Variants in DYRK4 observed in about 807,000 individuals in gnomAD.
DYRK4 encodes dual specificity tyrosine phosphorylation regulated kinase 4.
In DYRK4, 64 loss-of-function variants were observed where a neutral mutation model predicts 68.3. That is an observed-to-expected ratio of 0.94 (90% confidence interval 0.77 to 1.15). The LOEUF is 1.15. Ranked by LOEUF, DYRK4 falls within the 50% of genes most tolerant of loss-of-function variation. The pLI is 0.00. For missense variants in DYRK4, 740 were observed against 764.7 expected (o/e 0.97, Z 0.38); for synonymous variants, 274 against 289.9 (o/e 0.95, Z 0.56).
intron 1 of DYRK4, among the ~76,000 whole-genome samples, chr12:4,566,046 A>C (rs1439575077): frequency 6.6e-6 from 1 of 152,208 alleles, no homozygotes; most frequent in African/African-American, 2.4e-5. Flanking sequence ...CGATTTTACA[A>C]ATCCCATGTC....
At chr12:4,597,295 A>G (rs1945029535) in intron 8 of DYRK4, 1 of 329,382 alleles carries the variant, frequency 3.0e-6, no homozygotes, top group South Asian at 1.2e-4. Context: ...ATCTGATGCA[A>G]TTTATATAAA....
intron 13 of DYRK4, 133 bp from the exon 14 acceptor site, chr12:4,612,410 C>T: frequency 1.0e-6 from 1 of 956,720 alleles, no homozygotes; most frequent in Non-Finnish European, 1.5e-6. Context: ...ATGCCATAAT[C>T]TCTGTTCTAT....
At chr12:4,581,614 C>G (rs776646602) in intron 2 of DYRK4, among the ~76,000 whole-genome samples, 4 of 152,138 alleles carry the variant, frequency 2.6e-5, no homozygotes, top group South Asian at 4.1e-4. Context: ...GAGGCTAGAA[C>G]AGGGCAAGGA....
chr12:4,602,413 A>G, intron 10 of DYRK4: 2 of 953,154 alleles, frequency 2.1e-6, no homozygotes, highest in Non-Finnish European at 3.4e-6. Context: ...CAGTATGTTG[A>G]GGTCACTGAT....
chr12:4,605,143 AC>A, intron 11 of DYRK4, 57 bp downstream of exon 11: 5 of 1,513,568 alleles, frequency 3.3e-6, no homozygotes, highest in Non-Finnish European at 4.5e-6. Context: ...GCCCTCAGAC[AC>A]GGGGCTGCAC....
At chr12:4,594,708 CCTTTTTT>C (rs1565538724) in intron 6 of DYRK4, among the ~76,000 whole-genome samples, 1 of 109,702 alleles carries the variant, frequency 9.1e-6, no homozygotes, top group African/African-American at 4.0e-5. Context: ...CTTAGAAAAG[CCTTTTTT>C]TTTTTTGGTG....
In DYRK4 at chr12:4,607,326, G is replaced by A. The variant is rs748245896; in HGVS notation, c.1300-1G>A. On this transcript the variant is annotated splice_acceptor_variant, in intron 11 of 14. Coordinates refer to ENST00000543431, the MANE Select transcript of DYRK4 (RefSeq NM_001394779.1). LOFTEE classifies it high-confidence loss of function. ...GAACCAATTGAATTATCCTTATTAA[G>A]GTGCTGGGTCTGCCGCCAGCCGGCT... The A allele has an allele frequency of 6.2e-7, 1 of 1,614,232 alleles. No individual in the cohort carries two copies. The highest frequency in any genetic ancestry group is 1.1e-5 in the South Asian group (1 of 91,090).
intron 2 of DYRK4, among the ~76,000 whole-genome samples, chr12:4,584,757 A>G (rs1591793585): frequency 6.6e-6 from 1 of 151,710 alleles, no homozygotes; most frequent in Admixed American, 6.6e-5. Context: ...GGGTTTCATT[A>G]TGTTAGCCAG....
chr12:4,562,445 C>G (rs7306848), intron 1 of DYRK4, among the ~76,000 whole-genome samples, 162 bp downstream of exon 1: 44,418 of 152,012 alleles, frequency 0.29, 6,579 homozygotes, highest in African/African-American at 0.35. Context: ...CTGTGGTGCG[C>G]GGACAAGAAA....
intron 2 of DYRK4, among the ~76,000 whole-genome samples, chr12:4,573,637 G>A (rs907912917): frequency 2.6e-5 from 4 of 152,132 alleles, no homozygotes; most frequent in African/African-American, 9.7e-5. Context: ...CCCGGTGTGT[G>A]TTATAGCAGT....
Position 4,582,064 on chromosome 12 carries a change from A to C in DYRK4, c.133-6873A>C, listed in dbSNP as rs540562570. The stretch of plus-strand genomic sequence containing the variant: ...GCACGTGAGTGGTGTCATTGTCGGC[A>C]CTCAAAAGTGGAGCATTTCAGGCTA... On this transcript the variant is annotated intron_variant, in intron 2 of 14. Coordinates refer to ENST00000543431, the MANE Select transcript of DYRK4 (RefSeq NM_001394779.1). 2.6e-5 allele frequency among the ~76,000 whole-genome samples: 4 copies of C among 152,318 alleles called. No homozygotes were observed. In the East Asian group the frequency reaches 7.7e-4, roughly 29 times the overall value.
chr12:4,593,081 G>T lies in DYRK4; in HGVS notation c.543G>T (p.Leu181=). The part of the protein sequence containing the change: ...EILGYAELWF[L]GLEAKKLDTA... ...TGGGCTACGCGGAGCTGTGGTTCCT[G>T]GGTCTTGAAGCCAAGAAGCTCGACA... Residue 181 remains leucine (L), a synonymous_variant, in exon 6 of 15, where the codon CTG becomes CTT. Coordinates refer to ENST00000543431, the MANE Select transcript of DYRK4 (RefSeq NM_001394779.1). The T allele has an allele frequency of 2.5e-6, 4 of 1,614,190 alleles. No homozygotes were observed. The highest frequency in any genetic ancestry group is 3.4e-6 in the Non-Finnish European group (4 of 1,180,040).
At position 4,563,680 on chromosome 12, in the gene DYRK4, T is replaced by C. The variant is rs117561156; in HGVS notation, c.38+1397T>C. ...CTCTCTGTCAGGCCTGGGTGTGCCA[T>C]CACATGAAGAGAGGTTTGAAAAAAC... On this transcript the variant is annotated intron_variant, in intron 1 of 14. Coordinates refer to ENST00000543431, the MANE Select transcript of DYRK4 (RefSeq NM_001394779.1). 4.2e-4 allele frequency among the ~76,000 whole-genome samples: 64 copies of C among 152,298 alleles called. No homozygotes were observed. In the East Asian group the frequency reaches 0.012, roughly 28 times the overall value.
intron 12 of DYRK4, among the ~76,000 whole-genome samples, chr12:4,609,723 T>C (rs951307210): frequency 3.9e-5 from 6 of 152,174 alleles, no homozygotes; most frequent in Non-Finnish European, 8.8e-5. Flanking sequence ...AAAAGGACAA[T>C]GTAGGATGAA....
At chr12:4,593,243 AT>A (rs1944978086) in intron 6 of DYRK4, 78 bp downstream of exon 6, 1 of 1,507,760 alleles carries the variant, frequency 6.6e-7, no homozygotes, top group African/African-American at 1.4e-5. Context: ...AAGCAACGGT[AT>A]TTTGTAGTAT....
In DYRK4 at chr12:4,591,757, T is replaced by G. The variant is rs1944958119; in HGVS notation, c.463+459T>G. On this transcript the variant is annotated intron_variant, in intron 5 of 14. Transcript: ENST00000543431. This position sits in a 1 kb window ranked among gnomAD's most constrained non-coding sequence, Gnocchi z 4.1. Reference sequence around the variant, plus strand: ...GGAGCCTCTGTAGGGGGATCTTGATTAGAAATGCAGACATGTAGAAGAGCA... The same window carrying G: ...GGAGCCTCTGTAGGGGGATCTTGATGAGAAATGCAGACATGTAGAAGAGCA... 6.5e-6 allele frequency: 1 copy of G among 154,214 alleles called. No homozygotes were observed. Among genetic ancestry groups the G allele is most frequent in the African/African-American group, 2.4e-5 (1 of 41,470 alleles). The allele number at this position is 154,214 out of a possible 1,614,324, so 9.6% of individuals were successfully genotyped here.
At chr12:4,599,821 T>C in intron 10 of DYRK4, 33 bp downstream of exon 10, 1 of 1,588,034 alleles carries the variant, frequency 6.3e-7, no homozygotes, top group Non-Finnish European at 8.6e-7. Context: ...CATCTGAGTT[T>C]TCCTATTGCA....
chr12:4,586,514 G>A (rs868713046), intron 2 of DYRK4, among the ~76,000 whole-genome samples: 9 of 152,156 alleles, frequency 5.9e-5, no homozygotes, highest in Admixed American at 3.3e-4. Context: ...TCCCTTGGTC[G>A]AATTAAGTGT....
chr12:4,581,191 G>C (rs1434748136), intron 2 of DYRK4, among the ~76,000 whole-genome samples: 1 of 152,144 alleles, frequency 6.6e-6, no homozygotes, highest in Non-Finnish European at 1.5e-5. Flanking sequence ...GGCCTGACAT[G>C]ATGAGAATAC....
Sources: allele counts gnomAD v4.1 joint callset (sites outside exome capture counted in the v4.1 genomes callset), GRCh38; gene constraint gnomAD v4.1.1; non-coding constraint Gnocchi (gnomAD v3.1); transcripts MANE v1.5; gene names NCBI Gene and HGNC (gene_info 2026-07-23, HGNC 2026-07-21).